The following SLC5A5 variants were observed in gnomAD, a reference collection of about 807,000 sequenced individuals.
SLC5A5 encodes solute carrier family 5 member 5.
SLC5A5 carries 56 observed loss-of-function variants against 68.6 expected under a neutral mutation model. The ratio of observed to expected loss-of-function variants is 0.82; its 90% CI spans 0.66 to 1.02. SLC5A5 has a LOEUF of 1.02. Among genes scored for constraint, SLC5A5 ranks in the 50% least tolerant of loss-of-function variants. SLC5A5 has a pLI of 0.00. For synonymous variants in SLC5A5, 398 were observed against 373.0 expected, an observed-to-expected ratio of 1.07 and a Z score of -0.77; for missense variants, 807 against 859.8, an observed-to-expected ratio of 0.94 and a Z score of 0.77.
chr19:17,872,720 T>G, intron 1 of SLC5A5, 44 bp downstream of exon 1: 1 of 1,233,590 alleles, frequency 8.1e-7, no homozygotes, highest in East Asian at 2.3e-5. Flanking sequence ...CCACTGGCAG[T>G]GCTGGGACCC....
chr19:17,891,401 T>A (rs1046010505), intron 14 of SLC5A5, among the ~76,000 whole-genome samples: 5 of 152,110 alleles, frequency 3.3e-5, no homozygotes, highest in African/African-American at 1.2e-4. Flanking sequence ...AGATGGGGTT[T>A]CACCATGTTG....
In SLC5A5 at chr19:17,888,324, C is replaced by T; in HGVS notation, c.1527-7C>T. The T allele has an allele frequency of 6.2e-7, 1 of 1,613,748 alleles. No individual in the cohort carries two copies. The highest frequency in any genetic ancestry group is 1.3e-5 in the African/African-American group (1 of 75,002). ...GGAGGTTCAAGTCTGTCTCTCCCAA[C>T]CTGCAGCTCAGGAATGGACGCCAGC... On this transcript the variant is annotated splice_region_variant and splice_polypyrimidine_tract_variant and intron_variant, in intron 12 of 14. Transcript: ENST00000222248.
Position 17,887,263 on chromosome 19 carries a change from C to T in SLC5A5, c.1527-1068C>T, listed in dbSNP as rs565190322. The stretch of plus-strand genomic sequence containing the variant: ...ATTCTGTAGGTTGTCTTCATTCTCT[C>T]GATAGAATCCTTTGATGCACAGAAG... On this transcript the variant is annotated intron_variant, in intron 12 of 14. Coordinates refer to ENST00000222248, the MANE Select transcript of SLC5A5 (RefSeq NM_000453.3). Among the ~76,000 whole-genome samples, 9 of 152,230 alleles carry T rather than the reference C, an allele frequency of 5.9e-5. No homozygotes were observed. The South Asian group carries it at 8.3e-4, about 14-fold the overall frequency.
intron 5 of SLC5A5, 126 bp downstream of exon 5, chr19:17,876,232 C>A: frequency 1.1e-6 from 1 of 932,900 alleles, no homozygotes; most frequent in Non-Finnish European, 1.7e-6. Context: ...GAGTTCAAGA[C>A]CAGCCTGGGC....
Position 17,872,283 on chromosome 19 carries a change from G to T in SLC5A5, c.-37G>T. On this transcript the variant is annotated 5_prime_UTR_variant, in exon 1 of 15. Transcript: ENST00000222248. ...AGCTTCCCCCGCTTGAGCACGCAGG[G>T]CGTCCGAGGACGCGCTGGGCCTCCG... The T allele has an allele frequency of 6.8e-7, 1 of 1,466,762 alleles. No individual in the cohort carries two copies. The highest frequency in any genetic ancestry group is 1.2e-5 in the South Asian group (1 of 83,008). 90.9% of individuals were successfully genotyped at this position (1,466,762 alleles called of 1,614,324 possible).
intron 7 of SLC5A5, among the ~76,000 whole-genome samples, chr19:17,878,727 G>A (rs886217091): frequency 7.9e-5 from 12 of 152,026 alleles, no homozygotes; most frequent in Non-Finnish European, 1.2e-4. Flanking sequence ...TGTAATCCCA[G>A]CACTTTTGGA....
chr19:17,873,575 G>A (rs944773949), intron 1 of SLC5A5, among the ~76,000 whole-genome samples: 2 of 152,142 alleles, frequency 1.3e-5, no homozygotes, highest in African/African-American at 4.8e-5. Flanking sequence ...GGCTAACATG[G>A]TGAAACCCCG....
chr19:17,873,851 G>A (rs1599908291), intron 1 of SLC5A5, among the ~76,000 whole-genome samples: 1 of 152,316 alleles, frequency 6.6e-6, no homozygotes, highest in East Asian at 1.9e-4. Context: ...GGGCCACGTC[G>A]GTGTCTGCTG....
intron 13 of SLC5A5, among the ~76,000 whole-genome samples, chr19:17,889,187 A>G (rs1261246579): frequency 1.3e-5 from 2 of 151,918 alleles, no homozygotes; most frequent in East Asian, 3.9e-4. Flanking sequence ...ACCTGAGGTC[A>G]GGAGTTCAAG....
In SLC5A5 at chr19:17,883,934, A is replaced by AC; in HGVS notation, c.1416dup (p.Met473HisfsTer30). 5 of 1,564,310 alleles carry AC rather than the reference A, an allele frequency of 3.2e-6. No individual in the cohort carries two copies. Among genetic ancestry groups the AC allele is most frequent in the Non-Finnish European group, 3.5e-6 (4 of 1,155,904 alleles). ...CACGCTGTACCCACCCAGCGAGCAGACCATGAGGGTCCTGCCATCGTCGGC... is the reference window on the plus strand; with the variant it reads ...CACGCTGTACCCACCCAGCGAGCAGACCCATGAGGGTCCTGCCATCGTCGGC... On this transcript the variant is annotated frameshift_variant, in exon 12 of 15. Coordinates refer to ENST00000222248, the MANE Select transcript of SLC5A5 (RefSeq NM_000453.3).
At chr19:17,872,812 C>T (rs1345181654) in intron 1 of SLC5A5, 136 bp downstream of exon 1, 1 of 661,354 alleles carries the variant, frequency 1.5e-6, no homozygotes, top group African/African-American at 1.8e-5. Context: ...GAAGGGGCCC[C>T]TAGGCAGACA....
rs1433867525 is a variant in SLC5A5, at chr19:17,874,488, C to T, written c.424-6C>T. ...CCTGCTCACCCGCCCCACACTCTGTCTACAGATGCTGTACACCGGCATCGT... is the reference window on the plus strand; with the variant it reads ...CCTGCTCACCCGCCCCACACTCTGTTTACAGATGCTGTACACCGGCATCGT... On this transcript the variant is annotated splice_polypyrimidine_tract_variant and splice_region_variant and intron_variant, in intron 2 of 14. Coordinates refer to ENST00000222248, the MANE Select transcript of SLC5A5 (RefSeq NM_000453.3). 6.2e-7 allele frequency: 1 copy of T among 1,613,850 alleles called. No individual in the cohort carries two copies. Among genetic ancestry groups the T allele is most frequent in the Non-Finnish European group, 8.5e-7 (1 of 1,179,940 alleles).
At chr19:17,877,920 A>T in intron 6 of SLC5A5, 44 bp from the exon 7 acceptor site, 1 of 1,613,918 alleles carries the variant, frequency 6.2e-7, no homozygotes, top group Non-Finnish European at 8.5e-7. Flanking sequence ...CCCCTCCACC[A>T]GCCTGAGGCT....
chr19:17,875,253 C>T (rs573132415), intron 4 of SLC5A5, among the ~76,000 whole-genome samples: 1 of 152,204 alleles, frequency 6.6e-6, no homozygotes, highest in Admixed American at 6.5e-5. Flanking sequence ...GCCTGTAATC[C>T]TAGCCTCTCA....
rs1338540446 is a variant in SLC5A5, at chr19:17,893,676, G to T, written c.1768-37G>T. On this transcript the variant is annotated intron_variant, in intron 14 of 14. Transcript: ENST00000222248. Reference sequence around the variant, plus strand: ...TGACACGGAACAGGGTGGGGACAGGGTCTCTGATGGGGTCTCTTTTTCCCA... The same window carrying T: ...TGACACGGAACAGGGTGGGGACAGGTTCTCTGATGGGGTCTCTTTTTCCCA... 1.9e-6 allele frequency: 3 copies of T among 1,607,342 alleles called. No homozygotes were observed. The African/African-American group carries it at 4.0e-5, about 22-fold the overall frequency.
intron 13 of SLC5A5, among the ~76,000 whole-genome samples, 167 bp from the exon 14 acceptor site, chr19:17,890,719 G>A (rs1370402495): frequency 6.6e-6 from 1 of 152,112 alleles, no homozygotes; most frequent in Non-Finnish European, 1.5e-5. Context: ...TCACTGTGTA[G>A]ATGAGGAAAC....
In SLC5A5 at chr19:17,882,178, G is replaced by T; in HGVS notation, c.1201G>T (p.Val401Leu). Residue 401 changes from valine to leucine, a missense_variant, in exon 10 of 15, where the codon GTG becomes TTG. Transcript: ENST00000222248. ...SLIYGSACLT[V>L]AALSSLLGGG... is the part of the protein sequence containing the mutation. ...CATCTACGGATCGGCCTGTCTCACC[G>T]TGGCAGCCCTGTCCTCACTGCTCGG... is the stretch of plus-strand genomic sequence containing the variant. 1.2e-6 allele frequency: 2 copies of T among 1,614,002 alleles called. No individual in the cohort carries two copies. Among genetic ancestry groups the T allele is most frequent in the Non-Finnish European group, 1.7e-6 (2 of 1,180,000 alleles).
Position 17,872,218 on chromosome 19 carries a change from T to TACCCCCCCCCCCCCCCCCCCCCCCCCC in SLC5A5, c.-102_-101insACCCCCCCCCCCCCCCCCCCCCCCCCC. 2.2e-6 allele frequency: 1 copy of TACCCCCCCCCCCCCCCCCCCCCCCCCC among 456,252 alleles called. No homozygotes were observed. Among genetic ancestry groups the TACCCCCCCCCCCCCCCCCCCCCCCCCC allele is most frequent in the Non-Finnish European group, 4.2e-6 (1 of 238,854 alleles). The allele number at this position is 456,252 out of a possible 1,614,324, so 28.3% of individuals were successfully genotyped here. A position where few individuals can be genotyped will look rare whatever the true frequency, so the allele number is the denominator to read the frequency against. On this transcript the variant is annotated 5_prime_UTR_variant, in exon 1 of 15. Coordinates refer to ENST00000222248, the MANE Select transcript of SLC5A5 (RefSeq NM_000453.3). The stretch of plus-strand genomic sequence containing the variant: ...AGCGGGGACAGGCTGCCGAGCATCC[T>TACCCCCCCCCCCCCCCCCCCCCCCCCC]CCCACCCGCCCTCCCCGTCCTGCCT...
chr19:17,874,846 C>CCCTTTCTCCTG, intron 4 of SLC5A5, 115 bp downstream of exon 4: 1 of 925,582 alleles, frequency 1.1e-6, no homozygotes, highest in Non-Finnish European at 1.7e-6. Context: ...AGCTGGGACC[C>CCCTTTCTCCTG]AGTGTCCTCA....
Sources: allele counts gnomAD v4.1 joint callset (sites outside exome capture counted in the v4.1 genomes callset), GRCh38; gene constraint gnomAD v4.1.1; transcripts MANE v1.5; gene names NCBI Gene and HGNC (gene_info 2026-07-23, HGNC 2026-07-21).